The following ZFHX3 variants were observed in gnomAD, a reference collection of about 807,000 sequenced individuals.
ZFHX3 encodes zinc finger homeobox protein 3.
ZFHX3 carries 42 observed loss-of-function variants against 279.1 expected under a neutral mutation model. The ratio of observed to expected loss-of-function variants is 0.15; its 90% CI spans 0.12 to 0.19. The LOEUF is 0.19. ZFHX3 is among the 10% of genes least tolerant of loss of function. The probability of loss-of-function intolerance (pLI) is 1.00; values close to 1 mark genes in which losing one functional copy is unlikely to be tolerated. For synonymous variants in ZFHX3, 2,293 were observed against 1,957.8 expected, an observed-to-expected ratio of 1.17 and a Z score of -4.52; for missense variants, 4,981 against 4,754.0, an observed-to-expected ratio of 1.05 and a Z score of -1.40.
intron 1 of ZFHX3, among the ~76,000 whole-genome samples, chr16:73,747,244 C>T (rs2053712732): frequency 6.6e-6 from 1 of 152,098 alleles, no homozygotes; most frequent in African/African-American, 2.4e-5. Context: ...ATTAGCCAGA[C>T]ATGATGGCTC....
chr16:73,123,152 T>C (rs1466223868), intron 7 of ZFHX3: 2 of 149,236 alleles, frequency 1.3e-5, no homozygotes, highest in African/African-American at 5.0e-5. Context: ...ATACAGGATG[T>C]GAAGTTGTCA....
chr16:73,082,328 C>T (rs774926491), intron 8 of ZFHX3, among the ~76,000 whole-genome samples: 9 of 151,986 alleles, frequency 5.9e-5, no homozygotes, highest in South Asian at 2.1e-4. Context: ...AGTGCAGTGG[C>T]GCGATCTTGG....
intron 5 of ZFHX3, among the ~76,000 whole-genome samples, chr16:73,213,526 G>C (rs997472414): frequency 2.6e-5 from 4 of 151,908 alleles, no homozygotes; most frequent in African/African-American, 9.7e-5. Flanking sequence ...ACTTTTTAGG[G>C]AAAGAAAAAC....
chr16:73,309,400 G>A (rs1451434912), intron 4 of ZFHX3, among the ~76,000 whole-genome samples: 1 of 152,134 alleles, frequency 6.6e-6, no homozygotes, highest in African/African-American at 2.4e-5. Context: ...TCCTGCAAAG[G>A]CCATAATCTC....
At chr16:73,470,789 GC>G (rs1460158044) in intron 2 of ZFHX3, among the ~76,000 whole-genome samples, 1 of 152,204 alleles carries the variant, frequency 6.6e-6, no homozygotes, top group African/African-American at 2.4e-5. Context: ...TACACAGGGT[GC>G]TGAAAAACTG....
At chr16:73,236,878 G>T (rs986851921) in intron 5 of ZFHX3, among the ~76,000 whole-genome samples, 2 of 152,192 alleles carry the variant, frequency 1.3e-5, no homozygotes, top group African/African-American at 4.8e-5. Context: ...TTTGGAAGAA[G>T]CCACGCGGTA....
intron 1 of ZFHX3, among the ~76,000 whole-genome samples, chr16:73,881,678 A>ATGTG (rs72397861): frequency 6.6e-6 from 1 of 151,084 alleles, no homozygotes; most frequent in Admixed American, 6.6e-5. Flanking sequence ...TTGGTGCTAT[A>ATGTG]TGTGTGTGTG....
chr16:73,491,430 C>T (rs1041611468), intron 2 of ZFHX3, among the ~76,000 whole-genome samples: 1 of 152,182 alleles, frequency 6.6e-6, no homozygotes, highest in African/African-American at 2.4e-5. Context: ...CAACTGTCTG[C>T]CACAGGCATT....
In ZFHX3 at chr16:72,811,726, G is replaced by A. The variant is rs200095250; in HGVS notation, c.3715C>T (p.Arg1239Trp). Reference sequence around the variant, plus strand: ...GAGTGCTGCGTCATGGCATGCACCCGGAGCCGGTTGACATCGGCATTACTG... The same window carrying A: ...GAGTGCTGCGTCATGGCATGCACCCAGAGCCGGTTGACATCGGCATTACTG... ...KYSNADVNRL[R>W]VHAMTQHSVQ... Residue 1239 changes from arginine to tryptophan, a missense_variant, in exon 7 of 10, where the codon CGG (arginine) becomes TGG (tryptophan). Arg to Trp is a moderately radical substitution (Grantham distance 101, BLOSUM62 -3). Transcript: ENST00000268489. The A allele has an allele frequency of 3.7e-6, 6 of 1,614,082 alleles. No homozygotes were observed. Among genetic ancestry groups the A allele is most frequent in the African/African-American group, 1.3e-5 (1 of 75,064 alleles).
intron 1 of ZFHX3, among the ~76,000 whole-genome samples, chr16:72,999,856 AG>A (rs1451032689): frequency 6.6e-6 from 1 of 152,200 alleles, no homozygotes; most frequent in Non-Finnish European, 1.5e-5. Flanking sequence ...GGTGGAGTGG[AG>A]GACACTGGCA....
intron 3 of ZFHX3, among the ~76,000 whole-genome samples, chr16:72,913,204 A>G (rs2039362490): frequency 1.3e-5 from 2 of 152,236 alleles, no homozygotes; most frequent in Admixed American, 6.5e-5. Context: ...TGTCAAAGCA[A>G]AGAAATGAGC....
At chr16:73,624,520 G>C (rs763284409) in intron 2 of ZFHX3, among the ~76,000 whole-genome samples, 41 of 151,954 alleles carry the variant, frequency 2.7e-4, no homozygotes, top group South Asian at 1.9e-3. Context: ...GCAGCCCTAA[G>C]CTAGAACCAT....
At chr16:73,130,523 T>G (rs1230169670) in intron 7 of ZFHX3, among the ~76,000 whole-genome samples, 1 of 152,254 alleles carries the variant, frequency 6.6e-6, no homozygotes. Flanking sequence ...AGCCAGAGAC[T>G]GGGTTTGCCC....
At chr16:73,737,455 C>T (rs2053619145) in intron 1 of ZFHX3, among the ~76,000 whole-genome samples, 1 of 152,190 alleles carries the variant, frequency 6.6e-6, no homozygotes, top group African/African-American at 2.4e-5. Flanking sequence ...GGGATGAAGA[C>T]AGCATAACCA....
chr16:72,935,913 A>G (rs143128273), intron 3 of ZFHX3, among the ~76,000 whole-genome samples: 55 of 152,316 alleles, frequency 3.6e-4, no homozygotes, highest in African/African-American at 1.3e-3. Context: ...ATGGTCTATC[A>G]TAAGAATGGG....
intron 3 of ZFHX3, among the ~76,000 whole-genome samples, chr16:72,906,423 G>C (rs1322618012): frequency 6.6e-6 from 1 of 151,984 alleles, no homozygotes; most frequent in Non-Finnish European, 1.5e-5. Flanking sequence ...TCTTATTCCA[G>C]ACAGATGATA....
intron 2 of ZFHX3, among the ~76,000 whole-genome samples, chr16:73,540,496 C>T (rs982375413): frequency 6.6e-6 from 1 of 152,134 alleles, no homozygotes; most frequent in South Asian, 2.1e-4. Flanking sequence ...CCTCCATTGT[C>T]CAGCCTTAAC....
In ZFHX3 at chr16:73,579,595, G is replaced by A. The variant is rs1054389565; in HGVS notation, c.-1547+100585C>T. On this transcript the variant is annotated intron_variant, in intron 2 of 17. Coordinates refer to the ZFHX3 transcript ENST00000641206. ...TGGCTCACTGCAAGCTCCGCCTGCC[G>A]GGTTCACGCCATTCTCCTGCCTCAG... is the stretch of plus-strand genomic sequence containing the variant. Among the ~76,000 whole-genome samples the A allele has an allele frequency of 2.5e-4, 37 of 150,206 alleles. 1 individual carries two copies. The East Asian group carries it at 6.2e-3, about 25-fold the overall frequency.
intron 5 of ZFHX3, among the ~76,000 whole-genome samples, chr16:73,251,959 C>A (rs1395556801): frequency 6.6e-6 from 1 of 151,436 alleles, no homozygotes; most frequent in Non-Finnish European, 1.5e-5. Flanking sequence ...CACACGCACA[C>A]ACCATGCACA....
Sources: allele counts gnomAD v4.1 joint callset (sites outside exome capture counted in the v4.1 genomes callset), GRCh38; gene constraint gnomAD v4.1.1; transcripts MANE v1.5; gene names NCBI Gene and HGNC (gene_info 2026-07-23, HGNC 2026-07-21).